Variants in CD44 observed in about 807,000 individuals in gnomAD.
CD44 encodes the protein CD44 antigen.
CD44 carries 49 observed loss-of-function variants against 88.8 expected under a neutral mutation model. The observed-to-expected ratio is 0.55, with a 90% CI of 0.44 to 0.70. CD44 has a LOEUF of 0.70. CD44 is among the 30% of genes least tolerant of loss of function. The probability of loss-of-function intolerance (pLI) is 0.00; values close to 1 mark genes in which losing one functional copy is unlikely to be tolerated. For missense variants in CD44, 883 were observed against 913.8 expected (o/e 0.97, Z 0.43); for synonymous variants, 325 against 312.3 (o/e 1.04, Z -0.43).
chr11:35,157,371 T>TATC (rs1942038399), intron 1 of CD44, among the ~76,000 whole-genome samples: 1 of 142,600 alleles, frequency 7.0e-6, no homozygotes, highest in African/African-American at 2.6e-5. Flanking sequence ...ATCTATCATC[T>TATC]GTCTGTATTC....
At chr11:35,217,522 G>A (rs1478164794) in intron 15 of CD44, among the ~76,000 whole-genome samples, 3 of 151,992 alleles carry the variant, frequency 2.0e-5, no homozygotes, top group African/African-American at 7.2e-5. Context: ...GGACTGTTTT[G>A]GAGATTTGTA....
At chr11:35,220,920 T>G (rs542949464) in intron 16 of CD44, among the ~76,000 whole-genome samples, 1 of 152,024 alleles carries the variant, frequency 6.6e-6, no homozygotes, top group Non-Finnish European at 1.5e-5. Context: ...CATGCCACCA[T>G]GCCCAGCTAA....
chr11:35,224,942 A>G (rs1949589886), intron 17 of CD44, among the ~76,000 whole-genome samples: 1 of 152,190 alleles, frequency 6.6e-6, no homozygotes, highest in South Asian at 2.1e-4. Flanking sequence ...GCCATAATTT[A>G]GAAATATTTT....
chr11:35,200,424 T>C (rs138511959), intron 7 of CD44: 1 of 152,542 alleles, frequency 6.6e-6, no homozygotes, highest in African/African-American at 2.4e-5. Context: ...TGGTGTCTTA[T>C]TTTCTTTCAC....
At chr11:35,187,870 G>A (rs1019899693) in intron 4 of CD44, among the ~76,000 whole-genome samples, 1 of 151,880 alleles carries the variant, frequency 6.6e-6, no homozygotes, top group East Asian at 1.9e-4. Context: ...GTATATATTC[G>A]GGCACTTTTT....
chr11:35,169,280 A>G (rs1943623951), intron 1 of CD44, among the ~76,000 whole-genome samples: 1 of 152,198 alleles, frequency 6.6e-6, no homozygotes, highest in Non-Finnish European at 1.5e-5. Flanking sequence ...GCCCACAGAG[A>G]AGTTCCAAAA....
At chr11:35,189,779 CCA>C (rs1347520889) in intron 4 of CD44, 54 bp from the exon 5 acceptor site, 4 of 1,156,788 alleles carry the variant, frequency 3.5e-6, no homozygotes, top group Non-Finnish European at 3.8e-6. Flanking sequence ...AAACGCTAAT[CCA>C]CATACTCAAA....
At chr11:35,218,084 G>A (rs189368064) in intron 15 of CD44, among the ~76,000 whole-genome samples, 8 of 151,744 alleles carry the variant, frequency 5.3e-5, no homozygotes, top group East Asian at 3.9e-4. Flanking sequence ...CACCATGCCC[G>A]GCTTCTTAGA....
At chr11:35,170,258 G>A (rs746290458) in intron 1 of CD44, among the ~76,000 whole-genome samples, 7 of 152,180 alleles carry the variant, frequency 4.6e-5, no homozygotes, top group Admixed American at 3.9e-4. Flanking sequence ...CCAGGTTTGA[G>A]GAGGTCCTAA....
chr11:35,215,524 T>A (rs1948759263), intron 15 of CD44, among the ~76,000 whole-genome samples: 1 of 152,172 alleles, frequency 6.6e-6, no homozygotes, highest in African/African-American at 2.4e-5. Flanking sequence ...GCCAGCAGCA[T>A]CTTTCTAAAC....
intron 6 of CD44, chr11:35,197,090 C>G (rs1591199228): frequency 2.1e-6 from 1 of 483,448 alleles, no homozygotes; most frequent in East Asian, 3.3e-5. Flanking sequence ...TAGTATAGAC[C>G]AGGAGAAGGC....
intron 3 of CD44, among the ~76,000 whole-genome samples, chr11:35,182,003 A>ATATTATATATAAATTTATATT (rs1945179620): frequency 8.7e-6 from 1 of 115,092 alleles, no homozygotes; most frequent in Non-Finnish European, 1.7e-5. Flanking sequence ...TTATATTTAT[A>ATATTATATATAAATTTATATT]TATATGTATA....
intron 1 of CD44, among the ~76,000 whole-genome samples, chr11:35,174,944 A>T (rs1469648347): frequency 6.6e-6 from 1 of 152,228 alleles, no homozygotes; most frequent in Non-Finnish European, 1.5e-5. Context: ...GTAACCACAC[A>T]CATCAATAGA....
intron 5 of CD44, among the ~76,000 whole-genome samples, chr11:35,195,166 T>C (rs1053396350): frequency 2.7e-4 from 41 of 152,220 alleles, no homozygotes; most frequent in Non-Finnish European, 5.9e-5. Flanking sequence ...TCAAGGCCTG[T>C]AAATATGGGA....
At chr11:35,189,324 A>C (rs1393707700) in intron 4 of CD44, among the ~76,000 whole-genome samples, 1 of 152,224 alleles carries the variant, frequency 6.6e-6, no homozygotes, top group Non-Finnish European at 1.5e-5. Flanking sequence ...CAAAATCTTC[A>C]TCATTTTGCA....
At chr11:35,142,124 A>AG (rs1858099931) in intron 1 of CD44, among the ~76,000 whole-genome samples, 1 of 151,822 alleles carries the variant, frequency 6.6e-6, no homozygotes, top group Non-Finnish European at 1.5e-5. Flanking sequence ...GGTGGAGGCC[A>AG]GGGGGGATGA....
Position 35,190,133 on chromosome 11 carries a change from G to C in CD44, c.667+68G>C. The C allele has an allele frequency of 3.0e-6, 4 of 1,325,384 alleles. No individual in the cohort carries two copies. In the South Asian group the frequency reaches 3.5e-5, roughly 12 times the overall value. 82.1% of individuals were successfully genotyped at this position (1,325,384 alleles called of 1,614,324 possible). A position where few individuals can be genotyped will look rare whatever the true frequency, so the allele number is the denominator to read the frequency against. On this transcript the variant is annotated intron_variant, in intron 5 of 17. Transcript: ENST00000428726. ...GGCAAAATGTCTCTGACCTTCCTGA[G>C]CATTGCACACTCACGTGCTGATTTT...
At chr11:35,208,514 T>C (rs1023519672) in intron 12 of CD44, among the ~76,000 whole-genome samples, 6 of 152,236 alleles carry the variant, frequency 3.9e-5, no homozygotes, top group Non-Finnish European at 5.9e-5. Context: ...TCCAGGATAG[T>C]GATTTCTCTA....
intron 7 of CD44, 127 bp downstream of exon 7, chr11:35,198,373 A>T: frequency 1.3e-6 from 1 of 749,430 alleles, no homozygotes; most frequent in Non-Finnish European, 2.1e-6. Flanking sequence ...ATCATACCTT[A>T]GTTATATCTT....
Sources: gnomAD v4.1 joint callset for allele counts (sites outside exome capture counted in the v4.1 genomes callset) on GRCh38, gnomAD v4.1.1 for gene constraint, MANE v1.5 for transcripts, NCBI Gene and HGNC (gene_info 2026-07-23, HGNC 2026-07-21) for gene names.